Variants in CTNNAL1 observed in about 807,000 individuals in gnomAD.
The protein encoded by CTNNAL1 is catenin alpha like 1.
In CTNNAL1, 69 loss-of-function variants were observed where a neutral mutation model predicts 93.6. The ratio of observed to expected loss-of-function variants is 0.74; its 90% CI spans 0.61 to 0.90. The LOEUF is 0.90. Ranked by LOEUF, CTNNAL1 falls within the 40% of genes least tolerant of loss-of-function variation. The pLI, the probability that CTNNAL1 is intolerant of heterozygous loss-of-function variation, is 0.00. For synonymous variants in CTNNAL1, 286 were observed against 305.4 expected, an observed-to-expected ratio of 0.94 and a Z score of 0.66; for missense variants, 836 against 862.0, an observed-to-expected ratio of 0.97 and a Z score of 0.38.
intron 12 of CTNNAL1, among the ~76,000 whole-genome samples, chr9:108,955,366 C>CATAAA: frequency 6.6e-6 from 1 of 152,258 alleles, no homozygotes; most frequent in East Asian, 1.9e-4. Flanking sequence ...ATCTCTTTCC[C>CATAAA]ATAAGTATGA....
At chr9:108,951,107 T>C (rs1830551268) in intron 14 of CTNNAL1, among the ~76,000 whole-genome samples, 1 of 151,842 alleles carries the variant, frequency 6.6e-6, no homozygotes, top group Non-Finnish European at 1.5e-5. Context: ...ACCTCCCGGT[T>C]TCACGCCATT....
intron 11 of CTNNAL1, among the ~76,000 whole-genome samples, chr9:108,958,909 G>T (rs1587951673): frequency 6.8e-6 from 1 of 146,448 alleles, no homozygotes; most frequent in African/African-American, 2.5e-5. Context: ...AATTATAGAT[G>T]TTATTTCCAT....
chr9:108,955,676 C>A, intron 12 of CTNNAL1, 114 bp downstream of exon 12: 1 of 943,600 alleles, frequency 1.1e-6, no homozygotes, highest in Admixed American at 2.2e-5. Flanking sequence ...AATATCCTAA[C>A]TTTTTTCTGT....
intron 1 of CTNNAL1, among the ~76,000 whole-genome samples, chr9:109,012,785 G>A (rs2132231496): frequency 6.6e-6 from 1 of 152,330 alleles, no homozygotes; most frequent in South Asian, 2.1e-4. Flanking sequence ...GGCGGGGAGG[G>A]ACAAAGGATC....
At chr9:108,985,178 T>C (rs1010073373) in intron 4 of CTNNAL1, among the ~76,000 whole-genome samples, 3 of 152,180 alleles carry the variant, frequency 2.0e-5, no homozygotes, top group Admixed American at 6.5e-5. Context: ...AAATCAGAGG[T>C]GGGCAATACT....
At chr9:108,979,509 C>A (rs747082694) in intron 6 of CTNNAL1, 28 bp from the exon 7 acceptor site, 14 of 1,607,120 alleles carry the variant, frequency 8.7e-6, no homozygotes, top group Non-Finnish European at 1.2e-5. Context: ...ATCTATCCAT[C>A]CATGTGAGTC....
intron 10 of CTNNAL1, among the ~76,000 whole-genome samples, chr9:108,969,414 G>GA (rs1831046606): frequency 6.6e-6 from 1 of 151,740 alleles, no homozygotes; most frequent in South Asian, 2.1e-4. Flanking sequence ...AGAAAATCCA[G>GA]AAAAAAACCC....
rs567911443 is a variant in CTNNAL1, at chr9:108,988,548, G to A, written c.639+2178C>T. On this transcript the variant is annotated intron_variant, in intron 4 of 18. Coordinates refer to ENST00000325551, the MANE Select transcript of CTNNAL1 (RefSeq NM_003798.4). Reference sequence around the variant, plus strand: ...ACTGTTAAAATGTAAGTCAGAAAACGTCATTCTCCTACTCAAAACCTCCAA... The same window carrying A: ...ACTGTTAAAATGTAAGTCAGAAAACATCATTCTCCTACTCAAAACCTCCAA... Among the ~76,000 whole-genome samples, 118 of 152,254 alleles carry A rather than the reference G, an allele frequency of 7.8e-4. 3 individuals carry two copies. The South Asian group carries it at 0.021, about 27-fold the overall frequency.
intron 1 of CTNNAL1, among the ~76,000 whole-genome samples, chr9:109,000,369 C>T (rs1031015006): frequency 3.9e-5 from 6 of 152,118 alleles, no homozygotes; most frequent in Non-Finnish European, 1.5e-5. Flanking sequence ...ATTTGTTGCA[C>T]ACTATCATAT....
chr9:108,953,371 T>A (rs1013904636), intron 12 of CTNNAL1, among the ~76,000 whole-genome samples: 1 of 152,190 alleles, frequency 6.6e-6, no homozygotes, highest in African/African-American at 2.4e-5. Flanking sequence ...AAAGCTCCCA[T>A]GGTAGAGGCA....
intron 10 of CTNNAL1, 152 bp downstream of exon 10, chr9:108,970,250 G>A (rs1831071611): frequency 1.6e-6 from 1 of 639,986 alleles, no homozygotes; most frequent in East Asian, 3.4e-5. Context: ...GCCATGTTCT[G>A]GCACACTACC....
chr9:108,976,167 C>T (rs1029072747), intron 8 of CTNNAL1, among the ~76,000 whole-genome samples: 2 of 152,180 alleles, frequency 1.3e-5, no homozygotes, highest in Admixed American at 6.5e-5. Flanking sequence ...TATACCCCAA[C>T]CTCTGACCCA....
chr9:109,006,509 C>T (rs1229610618), intron 1 of CTNNAL1, among the ~76,000 whole-genome samples: 1 of 152,208 alleles, frequency 6.6e-6, no homozygotes, highest in African/African-American at 2.4e-5. Flanking sequence ...GAAAAGACAA[C>T]TAGCAAGAGT....
intron 1 of CTNNAL1, among the ~76,000 whole-genome samples, chr9:109,006,510 T>C (rs1827031691): frequency 6.6e-6 from 1 of 152,202 alleles, no homozygotes; most frequent in Admixed American, 6.5e-5. Flanking sequence ...AAAAGACAAC[T>C]AGCAAGAGTG....
At chr9:108,953,459 ACACT>A (rs1389595368) in intron 12 of CTNNAL1, among the ~76,000 whole-genome samples, 4 of 152,170 alleles carry the variant, frequency 2.6e-5, no homozygotes, top group African/African-American at 7.2e-5. Flanking sequence ...TAAGTCATAC[ACACT>A]CACAAACACA....
At chr9:108,975,477 T>C (rs1476306696) in intron 8 of CTNNAL1, among the ~76,000 whole-genome samples, 1 of 152,050 alleles carries the variant, frequency 6.6e-6, no homozygotes, top group Non-Finnish European at 1.5e-5. Context: ...CTCTCAACTT[T>C]CTCTCTTCTC....
chr9:109,013,363 T>A lies in CTNNAL1; in HGVS notation c.80A>T (p.Asp27Val). Reference sequence around the variant, plus strand: ...GCGAGTTTTGATCTCCAGTCCCGAGTCGAGGGCGAAGCCCGAAGAGCCGGA... The same window carrying A: ...GCGAGTTTTGATCTCCAGTCCCGAGACGAGGGCGAAGCCCGAAGAGCCGGA... ...YGSGSSGFAL[D>V]SGLEIKTRSV... Residue 27 changes from aspartate to valine, a missense_variant, in exon 1 of 19, where the codon GAC (aspartate) becomes GTC (valine). Physicochemically the swap from Asp to Val is radical, Grantham distance 152. Transcript: ENST00000325551. 6.6e-7 allele frequency: 1 copy of A among 1,514,098 alleles called. No individual in the cohort carries two copies. The highest frequency in any genetic ancestry group is 1.2e-5 in the South Asian group (1 of 80,302). 93.8% of individuals were successfully genotyped at this position (1,514,098 alleles called of 1,614,324 possible).
intron 1 of CTNNAL1, among the ~76,000 whole-genome samples, chr9:109,003,719 T>C (rs1826924370): frequency 6.6e-6 from 1 of 152,204 alleles, no homozygotes; most frequent in Non-Finnish European, 1.5e-5. Flanking sequence ...CTGAAAGACG[T>C]TACACTTAAG....
intron 14 of CTNNAL1, among the ~76,000 whole-genome samples, chr9:108,951,342 C>G (rs922923476): frequency 1.3e-5 from 2 of 152,100 alleles, no homozygotes; most frequent in Admixed American, 6.6e-5. Context: ...AGTCCCAAAT[C>G]CCACACAGTT....
Sources: gnomAD v4.1 joint callset for allele counts (sites outside exome capture counted in the v4.1 genomes callset) on GRCh38, gnomAD v4.1.1 for gene constraint, MANE v1.5 for transcripts, NCBI Gene and HGNC (gene_info 2026-07-23, HGNC 2026-07-21) for gene names.